AMPH: variants seen among roughly 807,000 people sequenced by gnomAD.
The protein encoded by AMPH is amphiphysin.
Under a neutral mutation model 99.1 loss-of-function variants are expected in AMPH, and 49 were observed. That is an observed-to-expected ratio of 0.49 (90% confidence interval 0.39 to 0.63). The LOEUF is 0.63. Among genes scored for constraint, AMPH ranks in the 20% least tolerant of loss-of-function variants. AMPH has a pLI of 0.00. For synonymous variants in AMPH, 314 were observed against 317.3 expected, an observed-to-expected ratio of 0.99 and a Z score of 0.11; for missense variants, 759 against 863.4, an observed-to-expected ratio of 0.88 and a Z score of 1.52.
chr7:38,473,660 C>A (rs1193077070), intron 7 of AMPH, among the ~76,000 whole-genome samples: 1 of 55,826 alleles, frequency 1.8e-5, no homozygotes, highest in Admixed American at 3.0e-4. Context: ...GCCGAGATTG[C>A]GCCACTGCAG....
rs1038101766 is a variant in AMPH, at chr7:38,526,822, A to T, written c.150+8109T>A. 7.9e-5 allele frequency among the ~76,000 whole-genome samples: 12 copies of T among 152,230 alleles called. No homozygotes were observed. In the East Asian group the frequency reaches 2.3e-3, roughly 29 times the overall value. ...TTTTGTATTGTGCTTTTGGTAGCAA[A>T]TCTAAGAACTCTTTACCTAACCCTA... On this transcript the variant is annotated intron_variant, in intron 2 of 20. Coordinates refer to ENST00000356264, the MANE Select transcript of AMPH (RefSeq NM_001635.4).
chr7:38,419,407 T>A (rs1785507781), intron 16 of AMPH, among the ~76,000 whole-genome samples: 1 of 152,190 alleles, frequency 6.6e-6, no homozygotes, highest in Non-Finnish European at 1.5e-5. Flanking sequence ...ACATAATAAA[T>A]TCAAGGGACT....
chr7:38,569,571 G>C (rs1210559728), intron 1 of AMPH, among the ~76,000 whole-genome samples: 1 of 151,730 alleles, frequency 6.6e-6, no homozygotes, highest in Admixed American at 6.6e-5. Flanking sequence ...GGCTGGAATA[G>C]GGCTGCTTCC....
At chr7:38,571,279 T>TATATATA (rs1791996634) in intron 1 of AMPH, among the ~76,000 whole-genome samples, 2 of 33,808 alleles carry the variant, frequency 5.9e-5, no homozygotes, top group African/African-American at 3.8e-4. Flanking sequence ...ATATATATAT[T>TATATATA]TTTATATATA....
chr7:38,528,447 CTTGA>C lies in AMPH; in HGVS notation c.150+6480_150+6483del, dbSNP rs139746245. ...AAACTATTCAAATTGTCTATTTCAC[CTTGA>C]TTAAGTTTTAGTGGTTTGTGATTGT... On this transcript the variant is annotated intron_variant, in intron 2 of 20. Coordinates refer to ENST00000356264, the MANE Select transcript of AMPH (RefSeq NM_001635.4). 9.2e-5 allele frequency among the ~76,000 whole-genome samples: 14 copies of C among 151,998 alleles called. No homozygotes were observed. The East Asian group carries it at 2.5e-3, about 27-fold the overall frequency.
chr7:38,406,940 TTCTC>T (rs1234981575), intron 17 of AMPH, among the ~76,000 whole-genome samples: 4 of 146,972 alleles, frequency 2.7e-5, no homozygotes, highest in African/African-American at 1.0e-4. Context: ...TGCTACTGGT[TTCTC>T]TCTGTCCCCA....
chr7:38,456,631 A>G (rs958611902), intron 11 of AMPH, among the ~76,000 whole-genome samples: 2 of 152,020 alleles, frequency 1.3e-5, no homozygotes, highest in African/African-American at 4.8e-5. Context: ...TATCACCAAC[A>G]CCAGAGTGGA....
rs1449802428 is a variant in AMPH, at chr7:38,433,671, G to C, written c.1135-1459C>G. Among the ~76,000 whole-genome samples, 6 of 74,624 alleles carry C rather than the reference G, an allele frequency of 8.0e-5. 2 individuals carry two copies. The highest frequency in any genetic ancestry group is 3.1e-4 in the African/African-American group (5 of 16,060). 49.0% of individuals were successfully genotyped at this position (74,624 alleles called of 152,430 possible). The stretch of plus-strand genomic sequence containing the variant: ...ACCCGGGAGGCGGAGCTTGCAGTGA[G>C]CCGAGATCCTGCCACTGCACTCCAG... On this transcript the variant is annotated intron_variant, in intron 12 of 20. Coordinates refer to ENST00000356264, the MANE Select transcript of AMPH (RefSeq NM_001635.4).
At position 38,427,060 on chromosome 7, in the gene AMPH, G is replaced by A. The variant is rs74721180; in HGVS notation, c.1183-74C>T. 1,552 of 1,351,950 alleles carry A rather than the reference G, an allele frequency of 1.1e-3. 20 individuals are homozygous for A. The African/African-American group carries it at 0.02, about 17-fold the overall frequency. 83.7% of individuals were successfully genotyped at this position (1,351,950 alleles called of 1,614,324 possible). A position where few individuals can be genotyped will look rare whatever the true frequency, so the allele number is the denominator to read the frequency against. On this transcript the variant is annotated intron_variant, in intron 14 of 20. Transcript: ENST00000356264. ...TTGTAGGACCAGTAAATATCCATTAGACAAGTTGGAAAGTAAAGACTATCA... is the reference window on the plus strand; with the variant it reads ...TTGTAGGACCAGTAAATATCCATTAAACAAGTTGGAAAGTAAAGACTATCA...
intron 1 of AMPH, among the ~76,000 whole-genome samples, chr7:38,556,488 T>C (rs1288907959): frequency 1.3e-5 from 2 of 152,128 alleles, no homozygotes; most frequent in African/African-American, 2.4e-5. Context: ...TATGGGGAGA[T>C]ACCAGCGAAG....
intron 18 of AMPH, among the ~76,000 whole-genome samples, chr7:38,392,322 A>T (rs1479607897): frequency 1.5e-5 from 2 of 136,720 alleles, no homozygotes; most frequent in Non-Finnish European, 3.1e-5. Context: ...TTGAAGGGTG[A>T]GGGAGGCCAT....
intron 1 of AMPH, among the ~76,000 whole-genome samples, chr7:38,582,709 G>T (rs754572300): frequency 7.9e-5 from 12 of 152,148 alleles, no homozygotes; most frequent in Non-Finnish European, 1.8e-4. Context: ...TTTGAGAATG[G>T]CTGAGTAGAC....
intron 19 of AMPH, 38 bp downstream of exon 19, chr7:38,391,710 C>CA (rs772072210): frequency 2.7e-5 from 43 of 1,588,024 alleles, no homozygotes; most frequent in East Asian, 4.5e-5. Context: ...GGCCTTAAAG[C>CA]AAAAAAAGGA....
intron 17 of AMPH, among the ~76,000 whole-genome samples, chr7:38,408,446 A>T (rs75722341): frequency 0.058 from 8,844 of 152,198 alleles, 354 homozygotes; most frequent in East Asian, 0.19. Flanking sequence ...TATCAAGAAG[A>T]GTTTGGTTTG....
At chr7:38,503,263 T>G (rs992717911) in intron 3 of AMPH, among the ~76,000 whole-genome samples, 3 of 152,194 alleles carry the variant, frequency 2.0e-5, no homozygotes, top group Non-Finnish European at 4.4e-5. Flanking sequence ...GTCTTGCCCC[T>G]TCCAGTGAGA....
intron 1 of AMPH, among the ~76,000 whole-genome samples, chr7:38,629,979 C>T (rs560227736): frequency 2.0e-5 from 3 of 152,262 alleles, no homozygotes; most frequent in African/African-American, 7.2e-5. Flanking sequence ...CTAGAGGCAG[C>T]CACCAAGCCT....
chr7:38,533,898 C>A (rs921610950), intron 2 of AMPH, among the ~76,000 whole-genome samples: 2 of 152,136 alleles, frequency 1.3e-5, no homozygotes, highest in Non-Finnish European at 2.9e-5. Context: ...CCAGCCCTTA[C>A]GTGTGTTACC....
At chr7:38,433,880 C>G (rs536018686) in intron 12 of AMPH, among the ~76,000 whole-genome samples, 1 of 152,002 alleles carries the variant, frequency 6.6e-6, no homozygotes, top group Non-Finnish European at 1.5e-5. Context: ...GATGCGTTAG[C>G]GTGCACAGAT....
chr7:38,442,154 G>C (rs1229374616), intron 11 of AMPH, among the ~76,000 whole-genome samples: 1 of 152,020 alleles, frequency 6.6e-6, no homozygotes. Context: ...TGGGTACTAG[G>C]CTTAATACTT....
Sources: gnomAD v4.1 joint callset for allele counts (sites outside exome capture counted in the v4.1 genomes callset) on GRCh38, gnomAD v4.1.1 for gene constraint, MANE v1.5 for transcripts, NCBI Gene and HGNC (gene_info 2026-07-23, HGNC 2026-07-21) for gene names.